IL1RL1: variants seen among roughly 807,000 people sequenced by gnomAD.
IL1RL1 encodes the protein interleukin-1 receptor-like 1.
IL1RL1 carries 32 observed loss-of-function variants against 50.9 expected under a neutral mutation model. The ratio of observed to expected loss-of-function variants is 0.63; its 90% CI spans 0.47 to 0.84. The LOEUF is 0.84. IL1RL1 is among the 40% of genes least tolerant of loss of function. IL1RL1 has a pLI of 0.00. For synonymous variants in IL1RL1, 275 were observed against 236.0 expected, an observed-to-expected ratio of 1.17 and a Z score of -1.51; for missense variants, 773 against 662.9, an observed-to-expected ratio of 1.17 and a Z score of -1.82.
chr2:102,344,941 C>T (rs1282645782), intron 8 of IL1RL1: 8 of 963,622 alleles, frequency 8.3e-6, no homozygotes, highest in East Asian at 1.1e-4. Flanking sequence ...AAAAGGACAA[C>T]ATGAAACTGA....
At chr2:102,335,515 A>G (rs1677296607) in intron 1 of IL1RL1, among the ~76,000 whole-genome samples, 1 of 152,220 alleles carries the variant, frequency 6.6e-6, no homozygotes, top group South Asian at 2.1e-4. Context: ...AATTTGAGTG[A>G]TGTTAATGAT....
intron 8 of IL1RL1, 102 bp from the exon 9 acceptor site, chr2:102,347,843 T>C (rs1441998326): frequency 3.0e-6 from 2 of 670,272 alleles, no homozygotes; most frequent in Non-Finnish European, 5.1e-6. Context: ...GGGTATATCT[T>C]ATGTGAAATT....
At chr2:102,345,075 C>A in intron 8 of IL1RL1, 1 of 892,194 alleles carries the variant, frequency 1.1e-6, no homozygotes, top group Non-Finnish European at 1.3e-6. Context: ...GTGATCCTTC[C>A]TGGGTGCAGG....
chr2:102,345,816 G>T (rs1181106119), intron 8 of IL1RL1: 2 of 985,322 alleles, frequency 2.0e-6, no homozygotes, highest in East Asian at 1.1e-4. Flanking sequence ...CCCCATCAAG[G>T]TGCTATGTGA....
In IL1RL1 at chr2:102,351,968, CTT is replaced by C; in HGVS notation, c.*48_*49del. 6.5e-7 allele frequency: 1 copy of C among 1,541,004 alleles called. No homozygotes were observed. The highest frequency in any genetic ancestry group is 8.8e-7 in the Non-Finnish European group (1 of 1,141,078). On this transcript the variant is annotated 3_prime_UTR_variant, in exon 11 of 11. Coordinates refer to ENST00000233954, the MANE Select transcript of IL1RL1 (RefSeq NM_016232.5). Reference sequence around the variant, plus strand: ...GCATCTGAGTTTGAAGCTTTCCTGACTTCTCCTAGCTGGCTTATGCCCCTGCA... The same window carrying C: ...GCATCTGAGTTTGAAGCTTTCCTGACCTCCTAGCTGGCTTATGCCCCTGCA...
downstream of IL1RL1, among the ~76,000 whole-genome samples, chr2:102,352,215 C>G (rs1321133227): frequency 2.1e-5 from 3 of 140,108 alleles, no homozygotes; most frequent in Admixed American, 2.1e-4. Flanking sequence ...TTTCCTCTCT[C>G]TCTGTCTTGC....
intron 1 of IL1RL1, among the ~76,000 whole-genome samples, chr2:102,325,666 T>A (rs1676976176): frequency 6.6e-6 from 1 of 152,188 alleles, no homozygotes; most frequent in Non-Finnish European, 1.5e-5. Context: ...AAGGACCTGA[T>A]GGAGCTGAAA....
At chr2:102,347,092 C>A (rs573921804) in intron 8 of IL1RL1, among the ~76,000 whole-genome samples, 1 of 152,174 alleles carries the variant, frequency 6.6e-6, no homozygotes, top group African/African-American at 2.4e-5. Flanking sequence ...GACGCTTTAG[C>A]CACTTAGGTG....
rs367543539 is a variant in IL1RL1 at position 102,351,559 on chromosome 2, A to T, written c.1309A>T (p.Asn437Tyr). 4.2e-5 allele frequency: 67 copies of T among 1,614,074 alleles called. No individual in the cohort carries two copies. The Admixed American group carries it at 6.8e-4, about 16-fold the overall frequency. ...GEDVVTAVET[N>Y]IRKSRRHIFI... ...AGATGTAGTCACTGCAGTGGAAACC[A>T]ACATACGAAAGAGCAGGCGGCACAT... Residue 437 changes from asparagine to tyrosine, a missense_variant, in exon 11 of 11, where the codon AAC becomes TAC. Coordinates refer to ENST00000233954, the MANE Select transcript of IL1RL1 (RefSeq NM_016232.5).
chr2:102,340,560 C>A (rs1677514887), intron 4 of IL1RL1, 106 bp from the exon 5 acceptor site: 7 of 1,151,320 alleles, frequency 6.1e-6, no homozygotes, highest in Non-Finnish European at 8.7e-6. Flanking sequence ...TTACAGCGAG[C>A]CCAGATTGCA....
chr2:102,328,879 G>C (rs1459759914), intron 1 of IL1RL1, among the ~76,000 whole-genome samples: 6 of 152,154 alleles, frequency 3.9e-5, no homozygotes, highest in Non-Finnish European at 8.8e-5. Context: ...CTCATAGGTA[G>C]GAAGACTCAA....
Position 102,338,986 on chromosome 2 carries a change from C to G in IL1RL1, c.211C>G (p.Leu71Val). The change falls in exon 3 of 11, where the codon CTT becomes GTT. Residue 71 changes from leucine (L) to valine (V), a missense_variant. Transcript: ENST00000233954. ...AAATCGTGTGTTTGCCTCAGGCCAA[C>G]TTCTGAAGTTTCTACCAGCTGCAGT... ...ERNRVFASGQ[L>V]LKFLPAAVAD... The G allele has an allele frequency of 6.2e-7, 1 of 1,613,964 alleles. No homozygotes were observed. Among genetic ancestry groups the G allele is most frequent in the East Asian group, 2.2e-5 (1 of 44,878 alleles).
chr2:102,311,852 A>AAT (rs1559591823), intron 1 of IL1RL1, among the ~76,000 whole-genome samples: 6 of 86,678 alleles, frequency 6.9e-5, no homozygotes, highest in African/African-American at 2.8e-4. Context: ...TGTAATATAT[A>AAT]ATATAATTAT....
chr2:102,350,475 C>G (rs1677896991), intron 10 of IL1RL1, among the ~76,000 whole-genome samples: 1 of 152,372 alleles, frequency 6.6e-6, no homozygotes, highest in Non-Finnish European at 1.5e-5. Context: ...CTGACCTTTC[C>G]TCAACCAAAA....
intron 5 of IL1RL1, 38 bp downstream of exon 5, chr2:102,340,866 A>G: frequency 6.7e-7 from 1 of 1,492,048 alleles, no homozygotes; most frequent in South Asian, 1.3e-5. Context: ...ATACTACGTG[A>G]AAGAAGTCGA....
At chr2:102,333,342 A>G (rs556134022) in intron 1 of IL1RL1, among the ~76,000 whole-genome samples, 91 of 152,336 alleles carry the variant, frequency 6.0e-4, no homozygotes, top group African/African-American at 2.1e-3. Context: ...AGATGAAACC[A>G]TAAGTTGTCC....
At position 102,340,761 on chromosome 2, in the gene IL1RL1, T is replaced by C; in HGVS notation, c.543T>C (p.Cys181=). The C allele has an allele frequency of 6.3e-7, 1 of 1,594,792 alleles. No individual in the cohort carries two copies. Among genetic ancestry groups the C allele is most frequent in the Non-Finnish European group, 8.5e-7 (1 of 1,173,674 alleles). ...VMTEDAGDYT[C]KFIHNENGAN... ...CTGAGGACGCAGGTGATTACACCTG[T>C]AAATTTATACACAATGAAAATGGAG... Residue 181 remains cysteine (C), a synonymous_variant, in exon 5 of 11, where the codon TGT becomes TGC. Transcript: ENST00000233954.
At chr2:102,320,752 T>C (rs373130644) in intron 1 of IL1RL1, among the ~76,000 whole-genome samples, 1 of 152,126 alleles carries the variant, frequency 6.6e-6, no homozygotes, top group South Asian at 2.1e-4. Context: ...TCAAAATCTA[T>C]CTGCATCCCA....
chr2:102,337,903 T>C (rs1019629817), intron 1 of IL1RL1, among the ~76,000 whole-genome samples: 5 of 152,184 alleles, frequency 3.3e-5, no homozygotes, highest in African/African-American at 1.2e-4. Flanking sequence ...AGTAGCATGA[T>C]AACTGTGAAA....
Sources: gnomAD v4.1 joint callset for allele counts (sites outside exome capture counted in the v4.1 genomes callset) on GRCh38, gnomAD v4.1.1 for gene constraint, MANE v1.5 for transcripts, NCBI Gene and HGNC (gene_info 2026-07-23, HGNC 2026-07-21) for gene names.